Variants in SGMS1 observed in about 807,000 individuals in gnomAD.
SGMS1 encodes the protein sphingomyelin synthase 1.
SGMS1 carries 13 observed loss-of-function variants against 46.2 expected under a neutral mutation model. That is an observed-to-expected ratio of 0.28 (90% CI 0.18 to 0.45). The LOEUF is 0.45. Ranked by LOEUF, SGMS1 falls within the 20% of genes least tolerant of loss-of-function variation. The pLI, the probability that SGMS1 is intolerant of heterozygous loss-of-function variation, is 1.00. For missense variants in SGMS1, 324 were observed against 519.9 expected (o/e 0.62, Z 3.66); for synonymous variants, 203 against 187.8 (o/e 1.08, Z -0.66).
chr10:50,542,796 T>C (rs978173937), intron 2 of SGMS1, among the ~76,000 whole-genome samples: 1 of 148,814 alleles, frequency 6.7e-6, no homozygotes, highest in Non-Finnish European at 1.5e-5. Context: ...AATTTTTTCA[T>C]TTGTTTTTCA....
At chr10:50,570,657 C>T (rs1037861063) in intron 2 of SGMS1, among the ~76,000 whole-genome samples, 6 of 152,172 alleles carry the variant, frequency 3.9e-5, no homozygotes, top group Admixed American at 1.3e-4. Context: ...GGTAGAGCCA[C>T]GCAAAGTGGC....
intron 6 of SGMS1, among the ~76,000 whole-genome samples, chr10:50,373,843 C>G (rs1038481530): frequency 6.6e-6 from 1 of 152,156 alleles, no homozygotes; most frequent in African/African-American, 2.4e-5. Context: ...CATTAGCAGT[C>G]CCATAGGTAT....
At chr10:50,577,119 G>T (rs1015339471) in intron 2 of SGMS1, among the ~76,000 whole-genome samples, 12 of 152,306 alleles carry the variant, frequency 7.9e-5, no homozygotes, top group African/African-American at 2.9e-4. Flanking sequence ...GAGTCTTTTG[G>T]AAGACTCAGG....
At chr10:50,596,091 C>T (rs991654343) in intron 1 of SGMS1, among the ~76,000 whole-genome samples, 2 of 151,976 alleles carry the variant, frequency 1.3e-5, no homozygotes, top group African/African-American at 4.8e-5. Context: ...TAATTTTAAA[C>T]ATTTTCTTGC....
chr10:50,567,144 AC>A lies in SGMS1; in HGVS notation c.-589+23008del, dbSNP rs1269784241. ...GTATTTTTACTAGAGACGGGGTTTCACCATGTTGGCCAGGCTGGTCTCGAAC... is the reference window on the plus strand; with the variant it reads ...GTATTTTTACTAGAGACGGGGTTTCACATGTTGGCCAGGCTGGTCTCGAAC... On this transcript the variant is annotated intron_variant, in intron 2 of 10. Coordinates refer to ENST00000361781, the MANE Select transcript of SGMS1 (RefSeq NM_147156.4). Among the ~76,000 whole-genome samples, 5 of 152,210 alleles carry A rather than the reference AC, an allele frequency of 3.3e-5. No homozygotes were observed. In the East Asian group the frequency reaches 9.7e-4, roughly 29 times the overall value.
chr10:50,504,937 T>A (rs1219311935), intron 3 of SGMS1, among the ~76,000 whole-genome samples: 1 of 152,154 alleles, frequency 6.6e-6, no homozygotes, highest in East Asian at 1.9e-4. Flanking sequence ...GTCAACAGCT[T>A]GGCCAAGTGC....
At chr10:50,322,638 C>T (rs938398080) in intron 8 of SGMS1, among the ~76,000 whole-genome samples, 1 of 151,552 alleles carries the variant, frequency 6.6e-6, no homozygotes, top group Non-Finnish European at 1.5e-5. Context: ...CGAGACCATC[C>T]TGGCTAACAA....
intron 3 of SGMS1, among the ~76,000 whole-genome samples, chr10:50,499,836 C>A (rs12763713): frequency 0.022 from 3,317 of 152,268 alleles, 55 homozygotes; most frequent in Middle Eastern, 0.034. Flanking sequence ...ATATTTTAAA[C>A]GTATGGCTTA....
intron 2 of SGMS1, among the ~76,000 whole-genome samples, chr10:50,564,863 T>G (rs963183726): frequency 1.3e-5 from 2 of 152,128 alleles, no homozygotes; most frequent in Non-Finnish European, 2.9e-5. Context: ...TAGTTACATA[T>G]GTATACATCA....
At chr10:50,473,730 C>T (rs1483133260) in intron 3 of SGMS1, among the ~76,000 whole-genome samples, 2 of 152,212 alleles carry the variant, frequency 1.3e-5, no homozygotes, top group Admixed American at 1.3e-4. Flanking sequence ...AATCTGTTCA[C>T]CCACTCCCAT....
chr10:50,548,473 T>C (rs1436392352), intron 2 of SGMS1, among the ~76,000 whole-genome samples: 1 of 152,198 alleles, frequency 6.6e-6, no homozygotes, highest in African/African-American at 2.4e-5. Context: ...TGATTCCCTA[T>C]TTAATAAATG....
intron 3 of SGMS1, among the ~76,000 whole-genome samples, chr10:50,468,562 T>C (rs1837351360): frequency 6.6e-6 from 1 of 152,228 alleles, no homozygotes; most frequent in Admixed American, 6.5e-5. Context: ...CACTGTGTGC[T>C]TTCCCACTGT....
chr10:50,496,446 T>C (rs981720716), intron 3 of SGMS1, among the ~76,000 whole-genome samples: 1 of 152,180 alleles, frequency 6.6e-6, no homozygotes, highest in African/African-American at 2.4e-5. Flanking sequence ...CTGTGTACTC[T>C]ACCACCACTC....
chr10:50,418,398 G>C (rs1027432303), intron 6 of SGMS1: 3 of 152,412 alleles, frequency 2.0e-5, no homozygotes, highest in Non-Finnish European at 4.4e-5. Context: ...GAGGCTCCAA[G>C]AGCGGGGTTG....
chr10:50,495,261 A>G (rs1171709613), intron 3 of SGMS1, among the ~76,000 whole-genome samples: 1 of 121,476 alleles, frequency 8.2e-6, no homozygotes, highest in Non-Finnish European at 1.8e-5. Context: ...AAAAAAGTTA[A>G]GAAAAAAAAA....
At position 50,477,834 on chromosome 10, in the gene SGMS1, C is replaced by T. The variant is rs761418048; in HGVS notation, c.-497-10902G>A. Among the ~76,000 whole-genome samples, 13 of 152,154 alleles carry T rather than the reference C, an allele frequency of 8.5e-5. No individual in the cohort carries two copies. In the East Asian group the frequency reaches 1.9e-3, roughly 23 times the overall value. Reference sequence around the variant, plus strand: ...GTGCCTGATCCCTTTCCTTCTGCCACGATTGTAAGTTTCCTAAGGCCTCCC... The same window carrying T: ...GTGCCTGATCCCTTTCCTTCTGCCATGATTGTAAGTTTCCTAAGGCCTCCC... On this transcript the variant is annotated intron_variant, in intron 3 of 10. Transcript: ENST00000361781.
chr10:50,470,433 T>C (rs1219678911), intron 3 of SGMS1, among the ~76,000 whole-genome samples: 1 of 151,738 alleles, frequency 6.6e-6, no homozygotes, highest in Non-Finnish European at 1.5e-5. Flanking sequence ...CTTTTCTTCC[T>C]TTCTTCTGCT....
chr10:50,391,083 G>A (rs1029830955), intron 6 of SGMS1, among the ~76,000 whole-genome samples: 1 of 152,208 alleles, frequency 6.6e-6, no homozygotes, highest in African/African-American at 2.4e-5. Context: ...GACCTGGTCA[G>A]AGGTATTGAG....
chr10:50,598,476 T>C (rs1226358010), intron 1 of SGMS1, among the ~76,000 whole-genome samples: 1 of 152,200 alleles, frequency 6.6e-6, no homozygotes, highest in Non-Finnish European at 1.5e-5. Context: ...GTTTTTAAAA[T>C]TTAAAAATTA....
Sources: allele counts gnomAD v4.1 joint callset (sites outside exome capture counted in the v4.1 genomes callset), GRCh38; gene constraint gnomAD v4.1.1; transcripts MANE v1.5; gene names NCBI Gene and HGNC (gene_info 2026-07-23, HGNC 2026-07-21).